Variants in IDNK observed in about 807,000 individuals in gnomAD.
IDNK encodes gluconokinase.
In IDNK, 9 loss-of-function variants were observed where a neutral mutation model predicts 13.0. That is an observed-to-expected ratio of 0.69 (90% confidence interval 0.42 to 1.21). IDNK has a LOEUF of 1.21. Ranked by LOEUF, IDNK falls within the 50% of genes most tolerant of loss-of-function variation. IDNK has a pLI of 0.00. For synonymous variants in IDNK, 92 were observed against 94.9 expected, an observed-to-expected ratio of 0.97 and a Z score of 0.18; for missense variants, 210 against 237.8, an observed-to-expected ratio of 0.88 and a Z score of 0.77.
At chr9:83,625,634 G>A (rs756215350) in intron 1 of IDNK, among the ~76,000 whole-genome samples, 3 of 152,212 alleles carry the variant, frequency 2.0e-5, no homozygotes, top group Non-Finnish European at 4.4e-5. Flanking sequence ...AAGTTCTTTA[G>A]TGACTTTGTG....
At chr9:83,626,377 C>A (rs1830848555) in intron 1 of IDNK, 4 of 297,526 alleles carry the variant, frequency 1.3e-5, no homozygotes, top group Admixed American at 5.1e-5. Context: ...TGAGTGCTGG[C>A]TGGCATGTTC....
chr9:83,629,137 G>C (rs994706313), intron 3 of IDNK, among the ~76,000 whole-genome samples, 178 bp downstream of exon 3: 31 of 152,158 alleles, frequency 2.0e-4, no homozygotes, highest in African/African-American at 6.3e-4. Flanking sequence ...ACAACTGTCT[G>C]AACATGGCCC....
At chr9:83,640,274 C>G (rs1831268284) in intron 3 of IDNK, among the ~76,000 whole-genome samples, 1 of 152,076 alleles carries the variant, frequency 6.6e-6, no homozygotes, top group Non-Finnish European at 1.5e-5. Context: ...AAGAACAGGA[C>G]AAAAGGGAAA....
chr9:83,635,463 G>T (rs934583289), intron 3 of IDNK, among the ~76,000 whole-genome samples: 1 of 152,212 alleles, frequency 6.6e-6, no homozygotes, highest in Non-Finnish European at 1.5e-5. Flanking sequence ...AATGGCCAAG[G>T]CACCATGTCC....
At chr9:83,638,178 G>A (rs929850718) in intron 3 of IDNK, among the ~76,000 whole-genome samples, 3 of 152,062 alleles carry the variant, frequency 2.0e-5, no homozygotes, top group Non-Finnish European at 4.4e-5. Flanking sequence ...GGACCACTAT[G>A]AGAGAGAATC....
rs1830914703 is a variant in IDNK at position 83,628,217 on chromosome 9, T to A, written c.81+6T>A. 3 of 1,548,242 alleles carry A rather than the reference T, an allele frequency of 1.9e-6. No individual in the cohort carries two copies. The African/African-American group carries it at 4.1e-5, about 21-fold the overall frequency. On this transcript the variant is annotated splice_donor_region_variant and intron_variant, in intron 2 of 4. Coordinates refer to ENST00000376419, the MANE Select transcript of IDNK (RefSeq NM_001001551.4). ...GCGCCCTGCTGGCATCTGAGGTTAGTAACCTGTCCTAATGCCTTCCGAGTG... is the reference window on the plus strand; with the variant it reads ...GCGCCCTGCTGGCATCTGAGGTTAGAAACCTGTCCTAATGCCTTCCGAGTG...
chr9:83,627,660 G>T (rs148764994), intron 1 of IDNK, among the ~76,000 whole-genome samples: 1 of 152,008 alleles, frequency 6.6e-6, no homozygotes, highest in Non-Finnish European at 1.5e-5. Flanking sequence ...AACAAGTGCC[G>T]GTGATTCATG....
In IDNK at chr9:83,631,009, T is replaced by C. The variant is rs148261579; in HGVS notation, c.168+2050T>C. ...ACAGATGGTTTACATTCTCAAGAGGTAGAACGACAGATGATTTTCATTCTT... is the reference window on the plus strand; with the variant it reads ...ACAGATGGTTTACATTCTCAAGAGGCAGAACGACAGATGATTTTCATTCTT... On this transcript the variant is annotated intron_variant, in intron 3 of 4. Transcript: ENST00000376419. 1.1e-3 allele frequency among the ~76,000 whole-genome samples: 169 copies of C among 152,112 alleles called. 1 individual carries two copies. The East Asian group carries it at 0.031, about 28-fold the overall frequency.
chr9:83,637,273 G>A (rs959877631), intron 3 of IDNK, among the ~76,000 whole-genome samples: 8 of 152,304 alleles, frequency 5.3e-5, no homozygotes, highest in African/African-American at 1.7e-4. Flanking sequence ...GTAAACTTAC[G>A]GGACCCTCAA....
chr9:83,623,137 C>T, upstream of IDNK: 1 of 1,405,550 alleles, frequency 7.1e-7, no homozygotes, highest in Non-Finnish European at 9.2e-7. Flanking sequence ...GCCGGCGGGG[C>T]CCGGAAGGCG....
chr9:83,631,394 AC>A (rs1831007695), intron 3 of IDNK, among the ~76,000 whole-genome samples: 1 of 138,534 alleles, frequency 7.2e-6, no homozygotes, highest in Admixed American at 8.0e-5. Context: ...GAGGCTGAAG[AC>A]CAGGAGCTTG....
chr9:83,628,123 A>G, intron 1 of IDNK, 58 bp from the exon 2 acceptor site: 1 of 1,549,524 alleles, frequency 6.5e-7, no homozygotes, highest in Non-Finnish European at 8.7e-7. Context: ...CCTTGCACAG[A>G]AGGAAGCTCC....
chr9:83,627,936 C>G, intron 1 of IDNK: 1 of 1,035,384 alleles, frequency 9.7e-7, no homozygotes, highest in Non-Finnish European at 1.2e-6. Flanking sequence ...TTAATGAGAT[C>G]TTATATATTG....
intron 1 of IDNK, among the ~76,000 whole-genome samples, chr9:83,625,157 ATG>A (rs1292313955): frequency 2.0e-5 from 3 of 152,216 alleles, no homozygotes; most frequent in Non-Finnish European, 4.4e-5. Context: ...AGTCAGAAAG[ATG>A]TGTTTGTGGA....
chr9:83,631,682 T>A (rs560941893), intron 3 of IDNK, among the ~76,000 whole-genome samples: 10 of 152,170 alleles, frequency 6.6e-5, no homozygotes, highest in African/African-American at 1.9e-4. Context: ...ACCAGCCACA[T>A]GTCAAAAGCT....
intron 3 of IDNK, among the ~76,000 whole-genome samples, chr9:83,640,558 C>T (rs1312934871): frequency 2.6e-5 from 4 of 152,118 alleles, no homozygotes; most frequent in African/African-American, 4.8e-5. Context: ...ATAGCTGAAG[C>T]CAGCCGGGTG....
intron 1 of IDNK, among the ~76,000 whole-genome samples, chr9:83,625,368 T>C (rs1830821769): frequency 6.6e-6 from 1 of 152,174 alleles, no homozygotes; most frequent in Non-Finnish European, 1.5e-5. Context: ...GGATGGTGGT[T>C]GGATGTCCAA....
rs1279941936 is a variant in IDNK at position 83,643,946 on chromosome 9, G to A, written c.*166G>A. Reference sequence around the variant, plus strand: ...AGGTGTAATTTTAGGAATTATGCTGGTTCATCAGGAAGCAGAGGGGGAGTT... The same window carrying A: ...AGGTGTAATTTTAGGAATTATGCTGATTCATCAGGAAGCAGAGGGGGAGTT... On this transcript the variant is annotated 3_prime_UTR_variant, in exon 5 of 5. Coordinates refer to ENST00000376419, the MANE Select transcript of IDNK (RefSeq NM_001001551.4). 2 of 561,116 alleles carry A rather than the reference G, an allele frequency of 3.6e-6. No individual in the cohort carries two copies. The highest frequency in any genetic ancestry group is 1.9e-5 in the African/African-American group (1 of 52,878). The allele number at this position is 561,116 out of a possible 1,614,324, so 34.8% of individuals were successfully genotyped here. A position where few individuals can be genotyped will look rare whatever the true frequency, so the allele number is the denominator to read the frequency against.
intron 1 of IDNK, chr9:83,626,644 T>G (rs1830859336): frequency 1.7e-6 from 2 of 1,149,154 alleles, no homozygotes; most frequent in South Asian, 2.6e-5. Flanking sequence ...CCCGAACTCC[T>G]GGCCTCAAGT....
Sources: gnomAD v4.1 joint callset for allele counts (sites outside exome capture counted in the v4.1 genomes callset) on GRCh38, gnomAD v4.1.1 for gene constraint, MANE v1.5 for transcripts, NCBI Gene and HGNC (gene_info 2026-07-23, HGNC 2026-07-21) for gene names.